The following MAML3 variants were observed in gnomAD, a reference collection of about 807,000 sequenced individuals.
MAML3 encodes mastermind-like protein 3.
Under a neutral mutation model 101.9 loss-of-function variants are expected in MAML3, and 27 were observed. The observed-to-expected ratio is 0.27, with a 90% CI of 0.20 to 0.37. MAML3 has a LOEUF of 0.37. Ranked by LOEUF, MAML3 falls within the 10% of genes least tolerant of loss-of-function variation. MAML3 has a pLI of 1.00. For synonymous variants in MAML3, 501 were observed against 555.9 expected, an observed-to-expected ratio of 0.90 and a Z score of 1.39; for missense variants, 1,316 against 1,444.9, an observed-to-expected ratio of 0.91 and a Z score of 1.45.
chr4:139,958,461 C>A (rs972982483), intron 1 of MAML3, among the ~76,000 whole-genome samples: 1 of 152,172 alleles, frequency 6.6e-6, no homozygotes, highest in Non-Finnish European at 1.5e-5. Context: ...ACAGATAGTG[C>A]ACTCATAAAG....
chr4:139,864,201 T>G (rs2111169104), intron 2 of MAML3, among the ~76,000 whole-genome samples: 1 of 152,240 alleles, frequency 6.6e-6, no homozygotes, highest in Non-Finnish European at 1.5e-5. Flanking sequence ...GAGAGCTACT[T>G]TGAGGTGGGT....
At chr4:139,822,777 A>T (rs1336957558) in intron 2 of MAML3, among the ~76,000 whole-genome samples, 2 of 152,238 alleles carry the variant, frequency 1.3e-5, no homozygotes, top group African/African-American at 4.8e-5. Context: ...TCCCAATTTC[A>T]GTTCCAGTTA....
chr4:139,725,605 G>A, intron 4 of MAML3, 146 bp downstream of exon 4: 1 of 791,626 alleles, frequency 1.3e-6, no homozygotes, highest in South Asian at 1.5e-5. Flanking sequence ...ATTCTGATTG[G>A]TTAGTACTCT....
intron 1 of MAML3, among the ~76,000 whole-genome samples, chr4:140,150,329 G>A (rs531869272): frequency 6.6e-6 from 1 of 152,268 alleles, no homozygotes; most frequent in South Asian, 2.1e-4. Flanking sequence ...AAGGTCAGGA[G>A]GCTGGGCTTG....
intron 1 of MAML3, among the ~76,000 whole-genome samples, chr4:139,910,612 T>C (rs1270695843): frequency 6.6e-6 from 1 of 152,068 alleles, no homozygotes; most frequent in Non-Finnish European, 1.5e-5. Context: ...CTGAGGCAAA[T>C]GGAGATATTA....
At chr4:139,823,883 T>G (rs989452232) in intron 2 of MAML3, among the ~76,000 whole-genome samples, 2 of 151,428 alleles carry the variant, frequency 1.3e-5, no homozygotes, top group African/African-American at 4.9e-5. Context: ...CCATTCTAAT[T>G]TAGATTCTAG....
At chr4:140,074,211 A>AAGAAAGAC (rs1553973043) in intron 1 of MAML3, among the ~76,000 whole-genome samples, 1 of 133,450 alleles carries the variant, frequency 7.5e-6, no homozygotes, top group African/African-American at 2.8e-5. Context: ...GAAAGAAAGA[A>AAGAAAGAC]AGAAAGAAAG....
intron 2 of MAML3, among the ~76,000 whole-genome samples, chr4:139,789,869 A>G (rs998409777): frequency 1.4e-4 from 21 of 152,040 alleles, no homozygotes; most frequent in African/African-American, 4.8e-4. Context: ...GGACTTGGAC[A>G]TGGGGGTCGA....
At chr4:140,083,973 G>C (rs1024801879) in intron 1 of MAML3, among the ~76,000 whole-genome samples, 607 of 15,592 alleles carry the variant, frequency 0.039, no homozygotes, top group East Asian at 0.086. Flanking sequence ...CACACAGAGA[G>C]AGAGAGAGAG....
At chr4:140,022,175 A>G (rs1456021475) in intron 1 of MAML3, among the ~76,000 whole-genome samples, 1 of 152,222 alleles carries the variant, frequency 6.6e-6, no homozygotes, top group African/African-American at 2.4e-5. Context: ...AATACATTCT[A>G]TGATGTGTGA....
At chr4:139,985,838 A>C (rs191917571) in intron 1 of MAML3, among the ~76,000 whole-genome samples, 1 of 152,340 alleles carries the variant, frequency 6.6e-6, no homozygotes, top group East Asian at 1.9e-4. Flanking sequence ...CCAGAAGAGG[A>C]AACAAAGATC....
Position 140,042,566 on chromosome 4 carries a change from G to A in MAML3, c.468+110294C>T, listed in dbSNP as rs142428738. Among the ~76,000 whole-genome samples the A allele has an allele frequency of 6.0e-3, 906 of 152,086 alleles. 14 individuals carry two copies. The highest frequency in any genetic ancestry group is 0.021 in the African/African-American group (855 of 41,466). On this transcript the variant is annotated intron_variant, in intron 1 of 4. Coordinates refer to ENST00000509479, the MANE Select transcript of MAML3 (RefSeq NM_018717.5). ...GAAAAATCGCTTGAACCCTGGAGGC[G>A]GAGGTTACAGTGAGCTGAGATCACG... is the stretch of plus-strand genomic sequence containing the variant.
At position 139,965,714 on chromosome 4, in the gene MAML3, T is replaced by C. The variant is rs913271401; in HGVS notation, c.469-74747A>G. ...ATTCTTTATTAAACTGTGTTTTTTA[T>C]ATTTTTAGTCACAAGTACACCTGCT... On this transcript the variant is annotated intron_variant, in intron 1 of 4. Transcript: ENST00000509479. Among the ~76,000 whole-genome samples the C allele has an allele frequency of 3.3e-5, 5 of 152,252 alleles. No individual in the cohort carries two copies. The South Asian group carries it at 6.2e-4, about 19-fold the overall frequency.
intron 3 of MAML3, 146 bp downstream of exon 3, chr4:139,730,270 T>C: frequency 1.4e-6 from 1 of 723,088 alleles, no homozygotes; most frequent in East Asian, 2.7e-5. Flanking sequence ...GTCTAAATTC[T>C]TCAGGTTCTC....
At chr4:140,079,561 T>C (rs1727832095) in intron 1 of MAML3, among the ~76,000 whole-genome samples, 1 of 152,222 alleles carries the variant, frequency 6.6e-6, no homozygotes, top group African/African-American at 2.4e-5. Context: ...CCCAAAGTGC[T>C]GGGATTACAG....
chr4:139,838,119 G>A (rs971889022), intron 2 of MAML3, among the ~76,000 whole-genome samples: 4 of 151,820 alleles, frequency 2.6e-5, no homozygotes, highest in African/African-American at 7.3e-5. Context: ...GTTGGGACAT[G>A]TTTTCCCAGA....
intron 1 of MAML3, among the ~76,000 whole-genome samples, chr4:140,147,517 G>C (rs1038991060): frequency 6.6e-6 from 1 of 152,180 alleles, no homozygotes; most frequent in Non-Finnish European, 1.5e-5. Flanking sequence ...CAGCAGGTGG[G>C]GGGAAGGAAA....
At chr4:140,148,256 G>A (rs1729097952) in intron 1 of MAML3, among the ~76,000 whole-genome samples, 1 of 152,152 alleles carries the variant, frequency 6.6e-6, no homozygotes, top group South Asian at 2.1e-4. Context: ...TCCCTGGGAA[G>A]GAACTCAGCT....
chr4:139,941,571 G>T (rs1733597999), intron 1 of MAML3, among the ~76,000 whole-genome samples: 1 of 151,894 alleles, frequency 6.6e-6, no homozygotes, highest in African/African-American at 2.4e-5. Context: ...TGGTGGTATT[G>T]GTAGTGGATT....
Sources: allele counts gnomAD v4.1 joint callset (sites outside exome capture counted in the v4.1 genomes callset), GRCh38; gene constraint gnomAD v4.1.1; transcripts MANE v1.5; gene names NCBI Gene and HGNC (gene_info 2026-07-23, HGNC 2026-07-21).